The following SND1 variants were observed in gnomAD, a reference collection of about 807,000 sequenced individuals.
SND1 encodes staphylococcal nuclease and tudor domain containing 1.
A neutral mutation model predicts 121.7 loss-of-function variants in SND1; 38 were observed. The observed-to-expected ratio is 0.31, with a 90% CI of 0.24 to 0.41. The LOEUF is 0.41. Ranked by LOEUF, SND1 falls within the 10% of genes least tolerant of loss-of-function variation. SND1 has a pLI of 1.00. For missense variants in SND1, 868 were observed against 1,184.6 expected (o/e 0.73, Z 3.92); for synonymous variants, 401 against 447.4 (o/e 0.90, Z 1.31).
At chr7:127,978,274 T>C (rs1802174557) in intron 15 of SND1, among the ~76,000 whole-genome samples, 2 of 152,110 alleles carry the variant, frequency 1.3e-5, no homozygotes, top group Non-Finnish European at 2.9e-5. Flanking sequence ...CGCTCAGTGG[T>C]AAATACCATA....
intron 1 of SND1, among the ~76,000 whole-genome samples, chr7:127,658,491 C>G (rs912756589): frequency 2.0e-5 from 3 of 152,146 alleles, no homozygotes; most frequent in Non-Finnish European, 2.9e-5. Flanking sequence ...CAAAAGTAGG[C>G]TTTATAAGAG....
intron 1 of SND1, among the ~76,000 whole-genome samples, chr7:127,682,659 C>A (rs559889142): frequency 9.2e-5 from 14 of 152,204 alleles, no homozygotes; most frequent in Non-Finnish European, 2.1e-4. Context: ...AGTTTCTTCT[C>A]AATCTTAACA....
chr7:127,853,446 G>T lies in SND1; in HGVS notation c.1343+9022G>T, dbSNP rs558819519. Among the ~76,000 whole-genome samples the T allele has an allele frequency of 1.2e-4, 18 of 152,258 alleles. No individual in the cohort carries two copies. In the South Asian group the frequency reaches 3.5e-3, roughly 30 times the overall value. The stretch of plus-strand genomic sequence containing the variant: ...TGAGAACTTTAATGCTTTCCACCAC[G>T]TTACAGGTAAGCTTGGTAGCAAGCT... On this transcript the variant is annotated intron_variant, in intron 12 of 23. Coordinates refer to ENST00000354725, the MANE Select transcript of SND1 (RefSeq NM_014390.4).
chr7:127,692,605 A>T (rs1795941119), intron 2 of SND1: 1 of 152,220 alleles, frequency 6.6e-6, no homozygotes, highest in Non-Finnish European at 1.5e-5. Flanking sequence ...CAGAGGAGTG[A>T]TGTGGTCAGT....
intron 14 of SND1, among the ~76,000 whole-genome samples, chr7:127,927,079 G>A (rs2116814585): frequency 6.6e-6 from 1 of 152,236 alleles, no homozygotes; most frequent in South Asian, 2.1e-4. Flanking sequence ...GAGGCTCCTT[G>A]ATTATTCTCA....
intron 9 of SND1, among the ~76,000 whole-genome samples, chr7:127,719,902 T>C (rs955071888): frequency 4.6e-5 from 7 of 152,208 alleles, no homozygotes; most frequent in Non-Finnish European, 7.3e-5. Flanking sequence ...ACTTAACTCC[T>C]GCTGTTTTCT....
intron 12 of SND1, among the ~76,000 whole-genome samples, chr7:127,875,369 G>C (rs1799669530): frequency 6.6e-6 from 1 of 152,174 alleles, no homozygotes. Flanking sequence ...TAAAAGCTGA[G>C]TGCCAGATGA....
chr7:127,960,435 G>A (rs1801705566), intron 15 of SND1, among the ~76,000 whole-genome samples: 1 of 152,210 alleles, frequency 6.6e-6, no homozygotes, highest in Non-Finnish European at 1.5e-5. Flanking sequence ...TTTGGAGGTT[G>A]ATACTGTTCC....
At chr7:127,741,142 T>C (rs755130361) in intron 10 of SND1, among the ~76,000 whole-genome samples, 1 of 152,158 alleles carries the variant, frequency 6.6e-6, no homozygotes, top group Non-Finnish European at 1.5e-5. Context: ...TTTGTGCCAG[T>C]AGTTTCCTTA....
chr7:127,678,011 A>G (rs1389337153), intron 1 of SND1, among the ~76,000 whole-genome samples: 1 of 152,224 alleles, frequency 6.6e-6, no homozygotes, highest in Non-Finnish European at 1.5e-5. Flanking sequence ...CAGCCAGCTC[A>G]TGGAAGCTTT....
At chr7:128,055,992 T>C (rs1227641477) in intron 16 of SND1, among the ~76,000 whole-genome samples, 1 of 152,238 alleles carries the variant, frequency 6.6e-6, no homozygotes, top group Non-Finnish European at 1.5e-5. Flanking sequence ...AGCCTCTCCA[T>C]TGATCAAATG....
At chr7:127,723,497 G>T (rs535830027) in intron 10 of SND1, among the ~76,000 whole-genome samples, 1 of 152,188 alleles carries the variant, frequency 6.6e-6, no homozygotes, top group South Asian at 2.1e-4. Flanking sequence ...TTGTGAGGAA[G>T]ATGGAGGAAT....
chr7:127,759,234 T>C (rs1797255992), intron 10 of SND1, among the ~76,000 whole-genome samples: 1 of 152,220 alleles, frequency 6.6e-6, no homozygotes, highest in Non-Finnish European at 1.5e-5. Context: ...TTTTTTACTG[T>C]AACAGAATGT....
At chr7:127,700,738 T>C (rs963342098) in intron 4 of SND1, among the ~76,000 whole-genome samples, 11 of 152,178 alleles carry the variant, frequency 7.2e-5, no homozygotes, top group Non-Finnish European at 2.9e-5. Context: ...CTCAGCCTTG[T>C]TCTGTAAACT....
At chr7:127,673,358 C>G (rs1020104676) in intron 1 of SND1, among the ~76,000 whole-genome samples, 2 of 152,096 alleles carry the variant, frequency 1.3e-5, no homozygotes, top group East Asian at 3.9e-4. Flanking sequence ...GTCGCCCAGG[C>G]TGGCTTACAG....
At chr7:127,657,664 C>G (rs915713224) in intron 1 of SND1, among the ~76,000 whole-genome samples, 1 of 130,856 alleles carries the variant, frequency 7.6e-6, no homozygotes, top group Non-Finnish European at 1.6e-5. Context: ...CCTGGCTAAT[C>G]TTTTATTCTT....
At chr7:127,740,987 A>G (rs542871114) in intron 10 of SND1, among the ~76,000 whole-genome samples, 3 of 152,332 alleles carry the variant, frequency 2.0e-5, no homozygotes, top group Admixed American at 6.5e-5. Context: ...ATAGCCACTC[A>G]TTTCTTTAAC....
intron 10 of SND1, among the ~76,000 whole-genome samples, chr7:127,775,353 A>G (rs1797597968): frequency 1.4e-5 from 2 of 146,868 alleles, no homozygotes; most frequent in Admixed American, 6.9e-5. Context: ...TTCTTTTTTA[A>G]CAGTTTCCAT....
intron 11 of SND1, among the ~76,000 whole-genome samples, chr7:127,808,019 A>G (rs1326778110): frequency 6.6e-6 from 1 of 151,976 alleles, no homozygotes; most frequent in African/African-American, 2.4e-5. Context: ...GAGCACGCCT[A>G]TTGTAATGCA....
Sources: allele counts gnomAD v4.1 joint callset (sites outside exome capture counted in the v4.1 genomes callset), GRCh38; gene constraint gnomAD v4.1.1; transcripts MANE v1.5; gene names NCBI Gene and HGNC (gene_info 2026-07-23, HGNC 2026-07-21).